PTPRZ1: variants seen among roughly 807,000 people sequenced by gnomAD.
PTPRZ1 encodes the protein receptor-type tyrosine-protein phosphatase zeta.
In PTPRZ1, 82 loss-of-function variants were observed where a neutral mutation model predicts 214.1. That is an observed-to-expected ratio of 0.38 (90% CI 0.32 to 0.46). The LOEUF is 0.46. PTPRZ1 is among the 20% of genes least tolerant of loss of function. PTPRZ1 has a pLI of 1.00. For missense variants in PTPRZ1, 2,603 were observed against 2,748.7 expected, an observed-to-expected ratio of 0.95 and a Z score of 1.19; for synonymous variants, 945 against 987.9, an observed-to-expected ratio of 0.96 and a Z score of 0.81.
chr7:121,974,520 C>CT (rs1797369340), intron 4 of PTPRZ1, among the ~76,000 whole-genome samples: 1 of 152,118 alleles, frequency 6.6e-6, no homozygotes, highest in Non-Finnish European at 1.5e-5. Context: ...CAGAGTCTCG[C>CT]CCTGTCGCCC....
At chr7:122,028,305 C>A in intron 13 of PTPRZ1, 1 of 335,300 alleles carries the variant, frequency 3.0e-6, no homozygotes, top group Non-Finnish European at 5.5e-6. Flanking sequence ...CAAATTCTGT[C>A]TGTGCTTTTA....
chr7:121,941,721 G>A (rs1472722831), intron 2 of PTPRZ1, among the ~76,000 whole-genome samples: 3 of 152,046 alleles, frequency 2.0e-5, no homozygotes, highest in Non-Finnish European at 4.4e-5. Flanking sequence ...ATTTTATAAT[G>A]GTCCTTTTAT....
intron 28 of PTPRZ1, 64 bp from the exon 29 acceptor site, chr7:122,059,689 G>A (rs77547851): frequency 0.018 from 26,906 of 1,530,888 alleles, 281 homozygotes; most frequent in Middle Eastern, 0.025. Context: ...TGCTTTGTGA[G>A]TTCTAAATGT....
chr7:121,902,957 G>A (rs1453318904), intron 1 of PTPRZ1, among the ~76,000 whole-genome samples: 1 of 151,752 alleles, frequency 6.6e-6, no homozygotes, highest in Non-Finnish European at 1.5e-5. Flanking sequence ...ACTTTTTGAT[G>A]TAGGAGAAAG....
chr7:122,000,553 T>A (rs1798284764), intron 10 of PTPRZ1, among the ~76,000 whole-genome samples: 1 of 149,604 alleles, frequency 6.7e-6, no homozygotes, highest in South Asian at 2.1e-4. Flanking sequence ...TTATTTAGGA[T>A]AAACTGTTTA....
intron 1 of PTPRZ1, among the ~76,000 whole-genome samples, chr7:121,875,724 AG>A (rs1347037599): frequency 1.3e-5 from 2 of 152,228 alleles, no homozygotes; most frequent in Admixed American, 1.3e-4. Context: ...GCTGACCTGG[AG>A]GCATTGGCAA....
intron 1 of PTPRZ1, among the ~76,000 whole-genome samples, chr7:121,891,476 TTTTTTA>T (rs1794615319): frequency 1.4e-5 from 2 of 144,294 alleles, no homozygotes; most frequent in African/African-American, 5.2e-5. Context: ...TTTTTTTTTT[TTTTTTA>T]GTTTGATTTT....
At chr7:121,999,293 T>C (rs1352960587) in intron 10 of PTPRZ1, among the ~76,000 whole-genome samples, 1 of 152,222 alleles carries the variant, frequency 6.6e-6, no homozygotes, top group Non-Finnish European at 1.5e-5. Context: ...GGTTATTTTT[T>C]AATGGAATGT....
At chr7:122,023,912 TTA>T (rs1799129264) in intron 13 of PTPRZ1, among the ~76,000 whole-genome samples, 1 of 148,998 alleles carries the variant, frequency 6.7e-6, no homozygotes, top group South Asian at 2.1e-4. Flanking sequence ...TAGGTTTTCA[TTA>T]TAAATACTGT....
rs922897098 is a variant in PTPRZ1 at position 121,873,421 on chromosome 7, AC to A, written c.-78del. 52 of 1,452,318 alleles carry A rather than the reference AC, an allele frequency of 3.6e-5. No individual in the cohort carries two copies. Among genetic ancestry groups the A allele is most frequent in the African/African-American group, 4.2e-5 (3 of 71,342 alleles). 90.0% of individuals were successfully genotyped at this position (1,452,318 alleles called of 1,614,324 possible). A position where few individuals can be genotyped will look rare whatever the true frequency, so the allele number is the denominator to read the frequency against. On this transcript the variant is annotated 5_prime_UTR_variant, in exon 1 of 30. Transcript: ENST00000393386. Reference sequence around the variant, plus strand: ...GGATTAAAACAAACAAACAAAAAAAACATTTCCTTCGCTCCCCCTCCCTCTC... The same window carrying A: ...GGATTAAAACAAACAAACAAAAAAAAATTTCCTTCGCTCCCCCTCCCTCTC...
At chr7:121,940,806 GAA>G (rs546014910) in intron 2 of PTPRZ1, among the ~76,000 whole-genome samples, 2 of 138,686 alleles carry the variant, frequency 1.4e-5, no homozygotes, top group African/African-American at 2.6e-5. Flanking sequence ...CCTGCCAAAT[GAA>G]AAAAAAAAAA....
intron 23 of PTPRZ1, among the ~76,000 whole-genome samples, chr7:122,049,044 A>T (rs1221772466): frequency 6.6e-6 from 1 of 152,132 alleles, no homozygotes; most frequent in Non-Finnish European, 1.5e-5. Context: ...AAATGAAATG[A>T]TGGTTTAACA....
chr7:122,003,558 A>C (rs1562855834), intron 10 of PTPRZ1, among the ~76,000 whole-genome samples: 1 of 152,182 alleles, frequency 6.6e-6, no homozygotes. Flanking sequence ...TATACCTTGA[A>C]ATTTCTATAG....
chr7:121,998,621 A>G (rs993743696), intron 10 of PTPRZ1, among the ~76,000 whole-genome samples: 3 of 152,072 alleles, frequency 2.0e-5, no homozygotes, highest in Non-Finnish European at 4.4e-5. Flanking sequence ...AAATCTTTTG[A>G]TCTTAGAGCA....
Position 122,058,891 on chromosome 7 carries a change from T to G in PTPRZ1, c.6620T>G (p.Val2207Gly), listed in dbSNP as rs191725137. Residue 2207 changes from valine to glycine, a missense_variant, in exon 28 of 30, where the codon GTT (valine) becomes GGT (glycine). Physicochemically the swap from Val to Gly is moderately radical, Grantham distance 109. Coordinates refer to ENST00000393386, the MANE Select transcript of PTPRZ1 (RefSeq NM_002851.3). ...PISKTFELIS[V>G]IKEEAANRDG... Reference sequence around the variant, plus strand: ...AGTAAAACTTTTGAACTTATAAGTGTTATAAAAGAAGAAGCTGCCAATAGG... The same window carrying G: ...AGTAAAACTTTTGAACTTATAAGTGGTATAAAAGAAGAAGCTGCCAATAGG... 1 of 1,593,044 alleles carries G rather than the reference T, an allele frequency of 6.3e-7. No individual in the cohort carries two copies. The highest frequency in any genetic ancestry group is 1.1e-5 in the South Asian group (1 of 90,588).
chr7:122,043,577 C>T (rs1799795503), intron 22 of PTPRZ1, among the ~76,000 whole-genome samples: 1 of 152,082 alleles, frequency 6.6e-6, no homozygotes, highest in Admixed American at 6.6e-5. Flanking sequence ...CAATCAGAAA[C>T]ACATGGCTGA....
At chr7:121,898,054 C>T (rs552005377) in intron 1 of PTPRZ1, among the ~76,000 whole-genome samples, 2 of 151,856 alleles carry the variant, frequency 1.3e-5, no homozygotes, top group African/African-American at 2.4e-5. Flanking sequence ...TGTACCACTT[C>T]GGTGGTACAT....
chr7:122,036,752 C>T, intron 18 of PTPRZ1, 70 bp downstream of exon 18: 1 of 1,023,122 alleles, frequency 9.8e-7, no homozygotes. Flanking sequence ...TAATGCCATA[C>T]ATGCATACAT....
At chr7:121,953,432 C>T (rs757257017) in intron 2 of PTPRZ1, among the ~76,000 whole-genome samples, 15 of 152,148 alleles carry the variant, frequency 9.9e-5, no homozygotes, top group Non-Finnish European at 2.2e-4. Flanking sequence ...AAAAACAATG[C>T]AGATGATCTC....
Sources: gnomAD v4.1 joint callset for allele counts (sites outside exome capture counted in the v4.1 genomes callset) on GRCh38, gnomAD v4.1.1 for gene constraint, MANE v1.5 for transcripts, NCBI Gene and HGNC (gene_info 2026-07-23, HGNC 2026-07-21) for gene names.